The following RAB14 variants were observed in gnomAD, a reference collection of about 807,000 sequenced individuals.
The protein encoded by RAB14 is ras-related protein Rab-14.
In RAB14, 3 loss-of-function variants were observed where a neutral mutation model predicts 31.1. That is an observed-to-expected ratio of 0.10 (90% CI 0.04 to 0.25). The LOEUF (loss-of-function observed/expected upper bound fraction) is 0.25. Among genes scored for constraint, RAB14 ranks in the 10% least tolerant of loss-of-function variants. RAB14 has a pLI of 1.00. For synonymous variants in RAB14, 85 were observed against 84.9 expected, an observed-to-expected ratio of 1.00 and a Z score of 0.00; for missense variants, 111 against 260.1, an observed-to-expected ratio of 0.43 and a Z score of 3.94.
At position 121,181,459 on chromosome 9, in the gene RAB14, T is replaced by G. The variant is rs993555124; in HGVS notation, c.585A>C (p.Ser195=). 7 of 1,612,684 alleles carry G rather than the reference T, an allele frequency of 4.3e-6. No homozygotes were observed. Among genetic ancestry groups the G allele is most frequent in the Non-Finnish European group, 5.1e-6 (6 of 1,178,994 alleles). ...TGGTTAGCCGGCCTCCCTGCGGGGCTGAAGGTTTGTGTTGTACACCAGACT... is the reference window on the plus strand; with the variant it reads ...TGGTTAGCCGGCCTCCCTGCGGGGCGGAAGGTTTGTGTTGTACACCAGACT... ...AAESGVQHKP[S]APQGGRLTSE... is the part of the protein sequence containing the mutation. Residue 195 remains serine, a synonymous_variant, in exon 8 of 8, where the codon TCA becomes TCC. Transcript: ENST00000373840.
At chr9:121,185,189 C>A (rs1239268334) in intron 5 of RAB14, among the ~76,000 whole-genome samples, 2 of 152,142 alleles carry the variant, frequency 1.3e-5, no homozygotes, top group Non-Finnish European at 2.9e-5. Flanking sequence ...TTTTATTATA[C>A]TCCTCCACGG....
At chr9:121,191,638 C>A (rs1164000617) in intron 3 of RAB14, among the ~76,000 whole-genome samples, 3 of 152,156 alleles carry the variant, frequency 2.0e-5, no homozygotes, top group African/African-American at 7.2e-5. Flanking sequence ...ACACAGACTT[C>A]TGGGCACTTC....
At chr9:121,201,505 A>T (rs1452985834) in intron 1 of RAB14, 134 bp downstream of exon 1, 1 of 152,278 alleles carries the variant, frequency 6.6e-6, no homozygotes, top group Non-Finnish European at 1.5e-5. Context: ...CGGGCTAGCC[A>T]CGGCCTGACG....
At chr9:121,190,216 C>T (rs2053679492) in intron 4 of RAB14, among the ~76,000 whole-genome samples, 1 of 151,932 alleles carries the variant, frequency 6.6e-6, no homozygotes, top group Admixed American at 6.6e-5. Flanking sequence ...AGAGTAAGTC[C>T]CAAGAGTGAG....
chr9:121,191,111 G>GC (rs2053683876), intron 3 of RAB14, among the ~76,000 whole-genome samples: 1 of 152,068 alleles, frequency 6.6e-6, no homozygotes, highest in African/African-American at 2.4e-5. Flanking sequence ...GACTGGATTT[G>GC]CCCCACTGGC....
At chr9:121,183,016 C>A in intron 6 of RAB14, 56 bp from the exon 7 acceptor site, 2 of 1,502,282 alleles carry the variant, frequency 1.3e-6, no homozygotes, top group Non-Finnish European at 9.1e-7. Flanking sequence ...CACAAGTGCA[C>A]TTCTTTAGTA....
At chr9:121,182,871 C>T (rs1210275064) in intron 7 of RAB14, 59 bp downstream of exon 7, 19 of 1,436,702 alleles carry the variant, frequency 1.3e-5, no homozygotes, top group African/African-American at 2.8e-5. Flanking sequence ...TTCATATATA[C>T]GGTTCTACTT....
chr9:121,187,000 A>C lies in RAB14; in HGVS notation c.304T>G (p.Leu102Val). The C allele has an allele frequency of 6.4e-7, 1 of 1,570,128 alleles. No individual in the cohort carries two copies. Among genetic ancestry groups the C allele is most frequent in the Non-Finnish European group, 8.6e-7 (1 of 1,158,644 alleles). ...DITRRSTYNHLSSWLTDARNL... is the reference protein window; with the variant it reads ...DITRRSTYNHVSSWLTDARNL... ...CTTGCATCTGTCAACCAGCTGCTTAAGTGGTTATATGTACTTCTTCTGCAA... is the reference window on the plus strand; with the variant it reads ...CTTGCATCTGTCAACCAGCTGCTTACGTGGTTATATGTACTTCTTCTGCAA... The change falls in exon 5 of 8, where the codon TTA becomes GTA. Residue 102 changes from leucine to valine, a missense_variant. Coordinates refer to ENST00000373840, the MANE Select transcript of RAB14 (RefSeq NM_016322.4).
rs1487598112 is a variant in RAB14, at chr9:121,180,840, CTG to C, written c.*554_*555del. On this transcript the variant is annotated 3_prime_UTR_variant, in exon 8 of 8. Transcript: ENST00000373840. ...GAGAGAAGATAAATGGATATTTTCC[CTG>C]TGTGAGGCTAAGACAGAAGCAAATC... is the stretch of plus-strand genomic sequence containing the variant. The C allele has an allele frequency of 6.6e-6, 1 of 152,592 alleles. No homozygotes were observed. Among genetic ancestry groups the C allele is most frequent in the Non-Finnish European group, 1.5e-5 (1 of 68,042 alleles). 9.5% of individuals were successfully genotyped at this position (152,592 alleles called of 1,614,324 possible). A position where few individuals can be genotyped will look rare whatever the true frequency, so the allele number is the denominator to read the frequency against.
chr9:121,182,847 T>C lies in RAB14; in HGVS notation c.470+83A>G, dbSNP rs2053640429. 8.5e-6 allele frequency: 10 copies of C among 1,173,130 alleles called. No individual in the cohort carries two copies. The South Asian group carries it at 1.2e-4, about 14-fold the overall frequency. The allele number at this position is 1,173,130 out of a possible 1,614,324, so 72.7% of individuals were successfully genotyped here. On this transcript the variant is annotated intron_variant, in intron 7 of 7. Transcript: ENST00000373840. ...ATAGATAGTACTTTATATGTGTATA[T>C]ACATTATATACTTTTCATATATACG...
intron 1 of RAB14, among the ~76,000 whole-genome samples, chr9:121,194,717 T>C (rs1207642477): frequency 6.6e-6 from 1 of 152,184 alleles, no homozygotes; most frequent in Non-Finnish European, 1.5e-5. Context: ...GAGAAATTTA[T>C]TTACTGAAAT....
At chr9:121,187,789 A>G (rs2053665756) in intron 4 of RAB14, among the ~76,000 whole-genome samples, 1 of 152,060 alleles carries the variant, frequency 6.6e-6, no homozygotes, top group Non-Finnish European at 1.5e-5. Context: ...CAAAGGGGTC[A>G]AAGATAATAA....
intron 7 of RAB14, among the ~76,000 whole-genome samples, chr9:121,181,803 A>ATG (rs1449976146): frequency 7.5e-4 from 97 of 128,828 alleles, no homozygotes; most frequent in South Asian, 2.2e-3. Context: ...GCTGGAGTGC[A>ATG]GTGGCCCGAT....
At chr9:121,199,716 T>C (rs2053743441) in intron 1 of RAB14, among the ~76,000 whole-genome samples, 1 of 152,216 alleles carries the variant, frequency 6.6e-6, no homozygotes, top group African/African-American at 2.4e-5. Flanking sequence ...TCTAAGGTTT[T>C]ACGTCTTTAC....
intron 5 of RAB14, among the ~76,000 whole-genome samples, chr9:121,184,067 A>C (rs1439178950): frequency 6.6e-6 from 1 of 152,192 alleles, no homozygotes; most frequent in Non-Finnish European, 1.5e-5. Context: ...GGACTTGCTG[A>C]AGGTCACTCA....
chr9:121,187,247 C>A (rs1445485832), intron 4 of RAB14, among the ~76,000 whole-genome samples: 1 of 151,936 alleles, frequency 6.6e-6, no homozygotes, highest in East Asian at 1.9e-4. Context: ...AATTACAGGT[C>A]AGGAGTAAAT....
At chr9:121,187,366 T>A (rs2053664131) in intron 4 of RAB14, among the ~76,000 whole-genome samples, 3 of 152,066 alleles carry the variant, frequency 2.0e-5, no homozygotes, top group Admixed American at 1.3e-4. Context: ...TACTTTGAAA[T>A]CATACAGACT....
At chr9:121,195,961 A>G (rs1588371966) in intron 1 of RAB14, among the ~76,000 whole-genome samples, 1 of 152,172 alleles carries the variant, frequency 6.6e-6, no homozygotes, top group East Asian at 1.9e-4. Context: ...TGCTTTAACA[A>G]AAGATTTCTC....
chr9:121,195,139 G>A (rs566253428), intron 1 of RAB14, among the ~76,000 whole-genome samples: 8 of 152,206 alleles, frequency 5.3e-5, no homozygotes, highest in African/African-American at 1.9e-4. Flanking sequence ...AACTGGTCTG[G>A]ATTATTTACC....
Sources: gnomAD v4.1 joint callset for allele counts (sites outside exome capture counted in the v4.1 genomes callset) on GRCh38, gnomAD v4.1.1 for gene constraint, MANE v1.5 for transcripts, NCBI Gene and HGNC (gene_info 2026-07-23, HGNC 2026-07-21) for gene names.